Variants in DNAJB13 observed in about 807,000 individuals in gnomAD.
DNAJB13 encodes the protein DnaJ heat shock protein family (Hsp40) member B13, also known as dnaJ homolog subfamily B member 13.
A neutral mutation model predicts 35.6 loss-of-function variants in DNAJB13; 22 were observed. The observed-to-expected ratio is 0.62, with a 90% CI of 0.44 to 0.88. The LOEUF (loss-of-function observed/expected upper bound fraction) is 0.88. DNAJB13 is among the 40% of genes least tolerant of loss of function. The probability of loss-of-function intolerance (pLI) is 0.00; values close to 1 mark genes in which losing one functional copy is unlikely to be tolerated. For missense variants in DNAJB13, 370 were observed against 384.3 expected (o/e 0.96, Z 0.31); for synonymous variants, 136 against 144.2 (o/e 0.94, Z 0.41).
At chr11:73,955,131 AAACATCATGATAGTTTAT>A (rs1950704244) in intron 1 of DNAJB13, among the ~76,000 whole-genome samples, 1 of 152,042 alleles carries the variant, frequency 6.6e-6, no homozygotes, top group South Asian at 2.1e-4. Context: ...TAAGGAAGAA[AAACATCATGATAGTTTAT>A]AATTGCCCAG....
chr11:73,960,272 G>T (rs1191568468), intron 3 of DNAJB13, among the ~76,000 whole-genome samples: 1 of 152,126 alleles, frequency 6.6e-6, no homozygotes, highest in Non-Finnish European at 1.5e-5. Flanking sequence ...CCGCCTCCGG[G>T]GTTCAAGCAG....
intron 1 of DNAJB13, among the ~76,000 whole-genome samples, chr11:73,951,569 C>G (rs1327498504): frequency 6.6e-6 from 1 of 152,194 alleles, no homozygotes; most frequent in Non-Finnish European, 1.5e-5. Context: ...CTGAATACTT[C>G]CATCGGATCT....
chr11:73,964,823 G>GCA (rs1565175745), intron 3 of DNAJB13, 55 bp from the exon 4 acceptor site: 5 of 1,474,052 alleles, frequency 3.4e-6, no homozygotes, highest in Non-Finnish European at 4.7e-6. Context: ...GCGCGCGCGC[G>GCA]CATGTCTGGG....
rs1277408290 is a variant in DNAJB13 at position 73,951,079 on chromosome 11, G to A, written c.10G>A (p.Asp4Asn). The A allele has an allele frequency of 1.2e-6, 2 of 1,614,074 alleles. No individual in the cohort carries two copies. Among genetic ancestry groups the A allele is most frequent in the African/African-American group, 1.3e-5 (1 of 75,058 alleles). The part of the protein sequence containing the change: MGQ[D>N]YYSVLGITRN... The stretch of plus-strand genomic sequence containing the variant: ...TGCCAGCTAGCCAGCCATGGGCCAG[G>A]ATTATTACTCTGTGCTCGGGATCAC... The change falls in exon 1 of 8, where the codon GAT becomes AAT. Residue 4 changes from aspartate to asparagine, a missense_variant. Asp to Asn is a conservative substitution (Grantham distance 23, BLOSUM62 1). Coordinates refer to ENST00000339764, the MANE Select transcript of DNAJB13 (RefSeq NM_153614.4).
intron 3 of DNAJB13, among the ~76,000 whole-genome samples, chr11:73,960,144 C>T (rs999557748): frequency 1.3e-5 from 2 of 152,146 alleles, no homozygotes; most frequent in African/African-American, 4.8e-5. Flanking sequence ...AAAAGAAATA[C>T]ATTCCAGCCC....
intron 3 of DNAJB13, among the ~76,000 whole-genome samples, chr11:73,961,715 T>G (rs1364566063): frequency 6.6e-6 from 1 of 152,224 alleles, no homozygotes; most frequent in Admixed American, 6.5e-5. Flanking sequence ...CTTTTGGCTC[T>G]ACAGATTCTC....
chr11:73,952,714 A>G (rs1344294062), intron 1 of DNAJB13, among the ~76,000 whole-genome samples: 1 of 152,210 alleles, frequency 6.6e-6, no homozygotes, highest in South Asian at 2.1e-4. Flanking sequence ...GCAGAAAGAT[A>G]AGCACAGCTT....
rs1347655648 is a variant in DNAJB13 at position 73,952,689 on chromosome 11, A to G, written c.68+1552A>G. On this transcript the variant is annotated intron_variant, in intron 1 of 7. Coordinates refer to ENST00000339764, the MANE Select transcript of DNAJB13 (RefSeq NM_153614.4). ...CATCCAGGGAAAGGTAATCAGGAGG[A>G]AGGGCAGTGGGCGTGCAGAAAGATA... 1.3e-5 allele frequency among the ~76,000 whole-genome samples: 2 copies of G among 152,188 alleles called. 1 individual carries two copies. The highest frequency in any genetic ancestry group is 4.8e-5 in the African/African-American group (2 of 41,452).
chr11:73,965,841 G>A, intron 4 of DNAJB13: 2 of 373,112 alleles, frequency 5.4e-6, no homozygotes, highest in East Asian at 1.1e-4. Context: ...ATCAACTAAT[G>A]GTGACTGCTT....
chr11:73,967,415 T>C (rs1951148913), intron 5 of DNAJB13, among the ~76,000 whole-genome samples: 1 of 152,214 alleles, frequency 6.6e-6, no homozygotes, highest in Non-Finnish European at 1.5e-5. Context: ...ACACATTCCT[T>C]TGCCTGCACT....
At chr11:73,954,629 C>CA (rs371177631) in intron 1 of DNAJB13, among the ~76,000 whole-genome samples, 2,683 of 111,592 alleles carry the variant, frequency 0.024, 76 homozygotes, top group East Asian at 0.12. Flanking sequence ...GACTCCGTCT[C>CA]AAAAAAAAAA....
intron 4 of DNAJB13, 146 bp downstream of exon 4, chr11:73,965,181 T>A: frequency 1.0e-6 from 1 of 953,734 alleles, no homozygotes. Flanking sequence ...ATGTTAGAAT[T>A]CCGGAATCTG....
intron 1 of DNAJB13, among the ~76,000 whole-genome samples, chr11:73,957,059 C>A (rs952981784): frequency 1.1e-4 from 16 of 152,130 alleles, no homozygotes; most frequent in African/African-American, 3.6e-4. Context: ...CACGCCTGGG[C>A]TGAATGACAG....
At chr11:73,968,526 C>G (rs1591209161) in intron 6 of DNAJB13, 68 bp downstream of exon 6, 2 of 1,361,034 alleles carry the variant, frequency 1.5e-6, no homozygotes, top group East Asian at 2.4e-5. Flanking sequence ...CCGGCCTAGA[C>G]TTGGCCTCCC....
At chr11:73,952,862 T>C (rs1185585290) in intron 1 of DNAJB13, among the ~76,000 whole-genome samples, 3 of 152,132 alleles carry the variant, frequency 2.0e-5, no homozygotes, top group African/African-American at 7.2e-5. Context: ...TGCTGTGAGA[T>C]TGAAATAGGA....
At chr11:73,969,876 A>T (rs886182526) in intron 7 of DNAJB13, 85 bp from the exon 8 acceptor site, 1 of 1,478,568 alleles carries the variant, frequency 6.8e-7, no homozygotes, top group African/African-American at 1.4e-5. Flanking sequence ...TCCTGGGGTT[A>T]TGTGAGTAGG....
At chr11:73,964,631 T>C in intron 3 of DNAJB13, 1 of 468,856 alleles carries the variant, frequency 2.1e-6, no homozygotes, top group South Asian at 2.5e-5. Flanking sequence ...CAGTGGGAAA[T>C]GGCAAAGGAT....
intron 1 of DNAJB13, 70 bp downstream of exon 1, chr11:73,951,207 G>T: frequency 1.9e-6 from 3 of 1,574,500 alleles, no homozygotes; most frequent in South Asian, 1.1e-5. Context: ...CTTCCAAAAC[G>T]AGCTTTCCTG....
At chr11:73,968,768 G>T (rs1317873699) in intron 6 of DNAJB13, among the ~76,000 whole-genome samples, 1 of 142,870 alleles carries the variant, frequency 7.0e-6, no homozygotes, top group Non-Finnish European at 1.5e-5. Flanking sequence ...GCCACTGGAG[G>T]CCCTCTGCGA....
Sources: gnomAD v4.1 joint callset for allele counts (sites outside exome capture counted in the v4.1 genomes callset) on GRCh38, gnomAD v4.1.1 for gene constraint, MANE v1.5 for transcripts, NCBI Gene and HGNC (gene_info 2026-07-23, HGNC 2026-07-21) for gene names.